The following TYW1B variants were observed in gnomAD, a reference collection of about 807,000 sequenced individuals.
The protein encoded by TYW1B is S-adenosyl-L-methionine-dependent tRNA 4-demethylwyosine synthase TYW1B.
In TYW1B, 73 loss-of-function variants were observed where a neutral mutation model predicts 86.9. That is an observed-to-expected ratio of 0.84 (90% CI 0.70 to 1.02). The LOEUF is 1.02. Among genes scored for constraint, TYW1B ranks in the 50% least tolerant of loss-of-function variants. The pLI, the probability that TYW1B is intolerant of heterozygous loss-of-function variation, is 0.00. For missense variants in TYW1B, 637 were observed against 827.4 expected (o/e 0.77, Z 2.82); for synonymous variants, 248 against 292.8 (o/e 0.85, Z 1.56).
intron 11 of TYW1B, among the ~76,000 whole-genome samples, chr7:72,674,045 T>G (rs1245205437): frequency 2.0e-5 from 3 of 152,130 alleles, no homozygotes; most frequent in East Asian, 3.9e-4. Flanking sequence ...CCATTCCCTG[T>G]GGGCATCATA....
chr7:72,722,098 T>G (rs1331308662), intron 9 of TYW1B, among the ~76,000 whole-genome samples: 1 of 152,180 alleles, frequency 6.6e-6, no homozygotes, highest in Non-Finnish European at 1.5e-5. Flanking sequence ...ATAATACCTG[T>G]TTGATACAGA....
chr7:72,577,650 C>T (rs1209369305), intron 13 of TYW1B, among the ~76,000 whole-genome samples: 3 of 152,334 alleles, frequency 2.0e-5, no homozygotes, highest in East Asian at 3.9e-4. Flanking sequence ...TTCCTCTGGG[C>T]CGCAGCCACT....
At chr7:72,812,428 G>C (rs1173009097) in intron 3 of TYW1B, among the ~76,000 whole-genome samples, 1 of 152,116 alleles carries the variant, frequency 6.6e-6, no homozygotes, top group Non-Finnish European at 1.5e-5. Context: ...CTCAACCTGT[G>C]TATCCTTAGT....
intron 13 of TYW1B, among the ~76,000 whole-genome samples, chr7:72,598,703 TGTTAAGA>T (rs1459770770): frequency 6.6e-6 from 1 of 152,226 alleles, no homozygotes; most frequent in African/African-American, 2.4e-5. Flanking sequence ...GGGAATGGGC[TGTTAAGA>T]GTTAAACTAG....
At chr7:72,827,200 G>T (rs564419308) in intron 1 of TYW1B, among the ~76,000 whole-genome samples, 1 of 152,116 alleles carries the variant, frequency 6.6e-6, no homozygotes, top group Non-Finnish European at 1.5e-5. Context: ...CTGAGGTCAG[G>T]AGTTCGAGAC....
intron 2 of TYW1B, 53 bp from the exon 3 acceptor site, chr7:72,815,534 C>T (rs1788707341): frequency 1.4e-6 from 2 of 1,478,732 alleles, no homozygotes; most frequent in East Asian, 4.6e-5. Context: ...CCAAATATAG[C>T]CCTCATTTAC....
At chr7:72,803,196 A>C (rs1585995467) in intron 5 of TYW1B, among the ~76,000 whole-genome samples, 1 of 152,126 alleles carries the variant, frequency 6.6e-6, no homozygotes, top group East Asian at 1.9e-4. Context: ...ACATAGTGAA[A>C]CCCTCATCTC....
At chr7:72,777,961 A>G (rs1395005282) in intron 6 of TYW1B, among the ~76,000 whole-genome samples, 18 of 152,172 alleles carry the variant, frequency 1.2e-4, no homozygotes, top group African/African-American at 3.6e-4. Flanking sequence ...GTTTTAAAAA[A>G]GGGCTGTTAT....
chr7:72,661,828 T>G (rs1279155405), intron 11 of TYW1B, among the ~76,000 whole-genome samples: 1 of 152,010 alleles, frequency 6.6e-6, no homozygotes, highest in Non-Finnish European at 1.5e-5. Flanking sequence ...GTAGTTTTTT[T>G]GTTTTGGGTT....
chr7:72,809,670 T>TA (rs140039255), intron 4 of TYW1B, among the ~76,000 whole-genome samples: 103,263 of 150,996 alleles, frequency 0.68, 36,217 homozygotes, highest in Non-Finnish European at 0.76. Flanking sequence ...TAAACATAAT[T>TA]AAAAAAAAAT....
intron 6 of TYW1B, among the ~76,000 whole-genome samples, chr7:72,801,771 A>C (rs555248676): frequency 7.2e-5 from 11 of 152,118 alleles, no homozygotes; most frequent in Admixed American, 7.2e-4. Context: ...CTGGATTCCT[A>C]GGGGCCCCAC....
chr7:72,736,008 A>C (rs1554460953), intron 8 of TYW1B, among the ~76,000 whole-genome samples: 1 of 152,166 alleles, frequency 6.6e-6, no homozygotes, highest in Non-Finnish European at 1.5e-5. Flanking sequence ...ACTGAACAAA[A>C]ATTTAATTTT....
chr7:72,686,002 A>G (rs1813998868), intron 11 of TYW1B, among the ~76,000 whole-genome samples: 1 of 152,238 alleles, frequency 6.6e-6, no homozygotes, highest in South Asian at 2.1e-4. Flanking sequence ...ATCTCTTCAA[A>G]GATATATGAA....
At chr7:72,693,649 C>G (rs558138344) in intron 11 of TYW1B, among the ~76,000 whole-genome samples, 1 of 151,958 alleles carries the variant, frequency 6.6e-6, no homozygotes, top group Non-Finnish European at 1.5e-5. Context: ...CCCACCTTGG[C>G]CTCTCAAAGT....
chr7:72,654,567 A>T (rs13247017), intron 11 of TYW1B, among the ~76,000 whole-genome samples: 2 of 152,198 alleles, frequency 1.3e-5, no homozygotes, highest in East Asian at 3.8e-4. Context: ...TCTAAATAAA[A>T]GTATGAATTT....
chr7:72,718,592 G>T (rs1441232421), intron 9 of TYW1B, among the ~76,000 whole-genome samples: 5 of 151,992 alleles, frequency 3.3e-5, no homozygotes, highest in African/African-American at 9.7e-5. Flanking sequence ...AACTGCAATT[G>T]TAAGAATGTA....
At chr7:72,818,578 CAAAAAAAAAA>C (rs57325230) in intron 2 of TYW1B, among the ~76,000 whole-genome samples, 17 of 38,430 alleles carry the variant, frequency 4.4e-4, no homozygotes, top group African/African-American at 1.4e-3. Context: ...GACTCCATCT[CAAAAAAAAAA>C]AAAAAAAAAA....
chr7:72,816,745 A>G (rs1563104733), intron 2 of TYW1B, among the ~76,000 whole-genome samples: 1 of 152,186 alleles, frequency 6.6e-6, no homozygotes, highest in Non-Finnish European at 1.5e-5. Context: ...AATAGTGCCT[A>G]TGTAATGGAG....
intron 11 of TYW1B, among the ~76,000 whole-genome samples, chr7:72,655,420 T>C (rs1813176194): frequency 6.6e-6 from 1 of 152,104 alleles, no homozygotes; most frequent in African/African-American, 2.4e-5. Flanking sequence ...CAGCACCGTA[T>C]TGAGCTCAAC....
Sources: gnomAD v4.1 joint callset for allele counts (sites outside exome capture counted in the v4.1 genomes callset) on GRCh38, gnomAD v4.1.1 for gene constraint, MANE v1.5 for transcripts, NCBI Gene and HGNC (gene_info 2026-07-23, HGNC 2026-07-21) for gene names.